Variants in ACER3 observed in about 807,000 individuals in gnomAD.
ACER3 encodes alkaline ceramidase 3, also known as alkCDase 3.
In ACER3, 16 loss-of-function variants were observed where a neutral mutation model predicts 48.9. That is an observed-to-expected ratio of 0.33 (90% CI 0.22 to 0.50). The LOEUF (loss-of-function observed/expected upper bound fraction) is 0.50. Among genes scored for constraint, ACER3 ranks in the 20% least tolerant of loss-of-function variants. ACER3 has a pLI of 0.98. For missense variants in ACER3, 227 were observed against 326.0 expected (o/e 0.70, Z 2.34); for synonymous variants, 109 against 107.8 (o/e 1.01, Z -0.07).
intron 1 of ACER3, among the ~76,000 whole-genome samples, chr11:76,862,731 A>G (rs61895512): frequency 0.4 from 61,342 of 152,134 alleles, 15,140 homozygotes; most frequent in Non-Finnish European, 0.56. Context: ...CTTCAATATA[A>G]GGAAAAACCT....
At chr11:76,927,679 A>T (rs1277089538) in intron 2 of ACER3, among the ~76,000 whole-genome samples, 1 of 151,226 alleles carries the variant, frequency 6.6e-6, no homozygotes, top group Non-Finnish European at 1.5e-5. Flanking sequence ...CTCATTGTTC[A>T]ATTCCCACCT....
chr11:76,979,530 G>A (rs1420040893), intron 4 of ACER3, among the ~76,000 whole-genome samples: 1 of 152,158 alleles, frequency 6.6e-6, no homozygotes, highest in Non-Finnish European at 1.5e-5. Context: ...ATGTGTGCCT[G>A]TAGTCCCAGC....
intron 2 of ACER3, among the ~76,000 whole-genome samples, chr11:76,951,445 T>C (rs1005447396): frequency 1.4e-4 from 21 of 152,214 alleles, no homozygotes; most frequent in Non-Finnish European, 2.8e-4. Context: ...CTTTCCAGTA[T>C]TTTAATGTGT....
At chr11:77,003,951 A>G (rs1949083920) in intron 7 of ACER3, among the ~76,000 whole-genome samples, 1 of 152,212 alleles carries the variant, frequency 6.6e-6, no homozygotes, top group Admixed American at 6.5e-5. Flanking sequence ...GGTTTGTATT[A>G]TGGATCAGGT....
chr11:76,909,522 C>G (rs1946316892), intron 1 of ACER3, among the ~76,000 whole-genome samples: 1 of 152,146 alleles, frequency 6.6e-6, no homozygotes, highest in South Asian at 2.1e-4. Flanking sequence ...TGAAAAAAAG[C>G]TAATCATCAC....
intron 1 of ACER3, among the ~76,000 whole-genome samples, chr11:76,865,997 T>G (rs1202364944): frequency 2.7e-5 from 4 of 150,656 alleles, no homozygotes; most frequent in East Asian, 1.9e-4. Flanking sequence ...TTTTGTTTTT[T>G]TTTTTTTTGG....
Position 76,944,817 on chromosome 11 carries a change from C to T in ACER3, c.215-14162C>T, listed in dbSNP as rs954314183. On this transcript the variant is annotated intron_variant, in intron 2 of 10. Coordinates refer to ENST00000532485, the MANE Select transcript of ACER3 (RefSeq NM_018367.7). ...ATGTTTTCTGAACTTTTTGATCTCT[C>T]TTCCCCATTGGAATACTGATAATTT... is the stretch of plus-strand genomic sequence containing the variant. Among the ~76,000 whole-genome samples, 5 of 152,226 alleles carry T rather than the reference C, an allele frequency of 3.3e-5. No homozygotes were observed. In the East Asian group the frequency reaches 9.7e-4, roughly 29 times the overall value.
intron 6 of ACER3, among the ~76,000 whole-genome samples, chr11:76,997,875 C>A (rs750621149): frequency 2.6e-5 from 4 of 152,134 alleles, no homozygotes; most frequent in African/African-American, 4.8e-5. Flanking sequence ...AATGAAAATT[C>A]TATTATAACT....
chr11:77,020,264 C>T lies in ACER3; in HGVS notation c.751-10C>T, dbSNP rs781888924. On this transcript the variant is annotated splice_polypyrimidine_tract_variant and intron_variant, in intron 10 of 10. Transcript: ENST00000532485. ...CTTTTCTCATTTTGTCCTAATTTGT[C>T]CCCAAACAGTTTCTCTTTGGAATCT... is the stretch of plus-strand genomic sequence containing the variant. 3 of 1,613,238 alleles carry T rather than the reference C, an allele frequency of 1.9e-6. No homozygotes were observed. Among genetic ancestry groups the T allele is most frequent in the Non-Finnish European group, 2.5e-6 (3 of 1,179,588 alleles).
At chr11:76,904,185 C>T (rs1335617925) in intron 1 of ACER3, among the ~76,000 whole-genome samples, 3 of 152,026 alleles carry the variant, frequency 2.0e-5, no homozygotes, top group Non-Finnish European at 2.9e-5. Context: ...CGAGGTTTCA[C>T]CATGTTGGCC....
chr11:76,905,998 A>G (rs1309085396), intron 1 of ACER3, among the ~76,000 whole-genome samples: 1 of 152,248 alleles, frequency 6.6e-6, no homozygotes, highest in African/African-American at 2.4e-5. Flanking sequence ...TGCCTTTGCA[A>G]AGATTATGAC....
In ACER3 at chr11:77,024,936, C is replaced by G. The variant is rs1376238855; in HGVS notation, c.*4609C>G. 1.3e-5 allele frequency: 2 copies of G among 152,168 alleles called. No homozygotes were observed. The highest frequency in any genetic ancestry group is 2.9e-5 in the Non-Finnish European group (2 of 68,018). 9.4% of individuals were successfully genotyped at this position (152,168 alleles called of 1,614,324 possible). A position where few individuals can be genotyped will look rare whatever the true frequency, so the allele number is the denominator to read the frequency against. On this transcript the variant is annotated 3_prime_UTR_variant, in exon 11 of 11. Coordinates refer to ENST00000532485, the MANE Select transcript of ACER3 (RefSeq NM_018367.7). ...CTAAAATTCCCCTACTCTAGCTCAG[C>G]AGCCATCAGTCAGTATAGCATCAGC... is the stretch of plus-strand genomic sequence containing the variant.
intron 4 of ACER3, among the ~76,000 whole-genome samples, chr11:76,978,859 G>A (rs73491425): frequency 0.11 from 16,478 of 152,176 alleles, 2,946 homozygotes; most frequent in African/African-American, 0.37. Context: ...AGATGCTTAC[G>A]GTGTATCTGA....
chr11:76,890,060 T>C (rs1463536355), intron 1 of ACER3, among the ~76,000 whole-genome samples: 5 of 152,166 alleles, frequency 3.3e-5, no homozygotes, highest in Non-Finnish European at 7.4e-5. Flanking sequence ...ATTCTTGTGA[T>C]TTTTTACCAT....
chr11:76,948,986 G>A (rs1296986490), intron 2 of ACER3, among the ~76,000 whole-genome samples: 1 of 152,184 alleles, frequency 6.6e-6, no homozygotes, highest in East Asian at 1.9e-4. Flanking sequence ...TCTAAAGTTA[G>A]TAATAAGTGA....
At chr11:76,888,456 C>A (rs1945726837) in intron 1 of ACER3, among the ~76,000 whole-genome samples, 1 of 152,138 alleles carries the variant, frequency 6.6e-6, no homozygotes, top group Non-Finnish European at 1.5e-5. Flanking sequence ...GGTTAGGAGT[C>A]TGAATCCAGT....
chr11:76,994,198 C>A (rs1948866811), intron 6 of ACER3: 1 of 452,766 alleles, frequency 2.2e-6, no homozygotes, highest in Non-Finnish European at 4.4e-6. Flanking sequence ...ATGGCACAAT[C>A]TCGGCTCATT....
chr11:76,959,883 G>A (rs111455031), intron 3 of ACER3, among the ~76,000 whole-genome samples: 16,406 of 151,910 alleles, frequency 0.11, 2,923 homozygotes, highest in African/African-American at 0.37. Context: ...GTGGCTCAGG[G>A]AAGCCAAAAG....
In ACER3 at chr11:77,011,406, G is replaced by T. The variant is rs563202045; in HGVS notation, c.498-3610G>T. 4.0e-5 allele frequency: 39 copies of T among 981,844 alleles called. No individual in the cohort carries two copies. The South Asian group carries it at 1.7e-3, about 43-fold the overall frequency. The allele number at this position is 981,844 out of a possible 1,614,324, so 60.8% of individuals were successfully genotyped here. On this transcript the variant is annotated intron_variant, in intron 7 of 10. Transcript: ENST00000532485. ...TAAGTTTAGAAGCAGAAAACAGATA[G>T]CACCCTACCCCCACTGATCATATTC...
Sources: gnomAD v4.1 joint callset for allele counts (sites outside exome capture counted in the v4.1 genomes callset) on GRCh38, gnomAD v4.1.1 for gene constraint, MANE v1.5 for transcripts, NCBI Gene and HGNC (gene_info 2026-07-23, HGNC 2026-07-21) for gene names.